The following CTIF variants were observed in gnomAD, a reference collection of about 807,000 sequenced individuals.
CTIF encodes the protein cap binding complex dependent translation initiation factor, also known as CBP80/20-dependent translation initiation factor.
Under a neutral mutation model 66.0 loss-of-function variants are expected in CTIF, and 21 were observed. The ratio of observed to expected loss-of-function variants is 0.32; its 90% CI spans 0.23 to 0.46. The LOEUF (loss-of-function observed/expected upper bound fraction) is 0.46, where lower values mean the gene tolerates loss of function less well. Among genes scored for constraint, CTIF ranks in the 20% least tolerant of loss-of-function variants. The pLI, the probability that CTIF is intolerant of heterozygous loss-of-function variation, is 1.00. For synonymous variants in CTIF, 345 were observed against 326.4 expected (o/e 1.06, Z -0.62); for missense variants, 739 against 812.7 (o/e 0.91, Z 1.10).
chr18:48,599,579 G>T (rs924500374), intron 1 of CTIF, among the ~76,000 whole-genome samples: 2 of 151,898 alleles, frequency 1.3e-5, no homozygotes, highest in Admixed American at 6.5e-5. Context: ...ACAGCCCTTC[G>T]TAAACAATTC....
chr18:48,783,545 G>A (rs955762838), intron 9 of CTIF, among the ~76,000 whole-genome samples: 4 of 152,132 alleles, frequency 2.6e-5, no homozygotes, highest in South Asian at 2.1e-4. Context: ...TGAGGAGCCC[G>A]GGGATAAGAG....
intron 6 of CTIF, among the ~76,000 whole-genome samples, chr18:48,689,107 G>A (rs2091887665): frequency 6.6e-6 from 1 of 152,240 alleles, no homozygotes; most frequent in African/African-American, 2.4e-5. Context: ...ACACACCCTG[G>A]AGGAGGAGGA....
intron 10 of CTIF, among the ~76,000 whole-genome samples, chr18:48,819,160 C>T (rs1432874391): frequency 6.6e-6 from 1 of 152,242 alleles, no homozygotes; most frequent in African/African-American, 2.4e-5. Flanking sequence ...TTAACAAATG[C>T]ACTTGAAATC....
chr18:48,705,843 T>G (rs1223007896), intron 6 of CTIF, among the ~76,000 whole-genome samples: 3 of 152,252 alleles, frequency 2.0e-5, no homozygotes, highest in South Asian at 4.1e-4. Context: ...CTTCCCTGAC[T>G]CTTCTCCCAA....
At chr18:48,658,187 A>G (rs2091276382) in intron 3 of CTIF, among the ~76,000 whole-genome samples, 1 of 151,572 alleles carries the variant, frequency 6.6e-6, no homozygotes, top group South Asian at 2.1e-4. Flanking sequence ...TGAGGTGTAT[A>G]TGTGTGTGCA....
At chr18:48,766,760 G>A (rs1478829006) in intron 9 of CTIF, among the ~76,000 whole-genome samples, 1 of 149,538 alleles carries the variant, frequency 6.7e-6, no homozygotes, top group Non-Finnish European at 1.5e-5. Context: ...GAGCTGGCAG[G>A]AGAACCCCAT....
At chr18:48,786,072 T>A (rs1911680032) in intron 9 of CTIF, among the ~76,000 whole-genome samples, 1 of 152,040 alleles carries the variant, frequency 6.6e-6, no homozygotes, top group African/African-American at 2.4e-5. Flanking sequence ...TCATTCTTCC[T>A]CCTTTGCAGG....
At chr18:48,660,004 C>T (rs867388172) in intron 3 of CTIF, among the ~76,000 whole-genome samples, 4 of 150,706 alleles carry the variant, frequency 2.7e-5, no homozygotes, top group Non-Finnish European at 4.4e-5. Context: ...TCACCTGTGA[C>T]GTGTGTCGAT....
At chr18:48,718,620 C>T (rs956907562) in intron 7 of CTIF, among the ~76,000 whole-genome samples, 1 of 152,122 alleles carries the variant, frequency 6.6e-6, no homozygotes, top group Non-Finnish European at 1.5e-5. Flanking sequence ...TCTGTTTGGG[C>T]CCTTGGCGGA....
chr18:48,777,155 C>T (rs772342022), intron 9 of CTIF, among the ~76,000 whole-genome samples: 5 of 152,234 alleles, frequency 3.3e-5, no homozygotes, highest in South Asian at 2.1e-4. Flanking sequence ...GTCTGGCCGG[C>T]TCCTTCCCAC....
At chr18:48,551,678 G>C (rs558259952) in intron 1 of CTIF, among the ~76,000 whole-genome samples, 1 of 152,210 alleles carries the variant, frequency 6.6e-6, no homozygotes, top group Non-Finnish European at 1.5e-5. Flanking sequence ...AGAAACCCAG[G>C]CCTGTGTGGA....
intron 2 of CTIF, among the ~76,000 whole-genome samples, chr18:48,633,953 A>G (rs1232079571): frequency 6.6e-6 from 1 of 152,180 alleles, no homozygotes; most frequent in Non-Finnish European, 1.5e-5. Context: ...CATTGGTACA[A>G]TGCTCTTAAC....
At chr18:48,730,269 T>C (rs1416087225) in intron 7 of CTIF, among the ~76,000 whole-genome samples, 1 of 146,212 alleles carries the variant, frequency 6.8e-6, no homozygotes, top group Non-Finnish European at 1.5e-5. Context: ...CCCCGCAGTG[T>C]GAGGGCCTCC....
At chr18:48,718,258 T>C (rs949450600) in intron 7 of CTIF, among the ~76,000 whole-genome samples, 1 of 152,240 alleles carries the variant, frequency 6.6e-6, no homozygotes, top group African/African-American at 2.4e-5. Context: ...AGACTGTGTA[T>C]ACCTAGCTAC....
chr18:48,746,495 G>A (rs563073075), intron 7 of CTIF, among the ~76,000 whole-genome samples: 21 of 151,094 alleles, frequency 1.4e-4, no homozygotes, highest in African/African-American at 3.6e-4. Context: ...AAGCAGATGC[G>A]GCACTATGAT....
intron 9 of CTIF, among the ~76,000 whole-genome samples, chr18:48,783,505 G>T (rs1911434251): frequency 6.6e-6 from 1 of 152,268 alleles, no homozygotes; most frequent in African/African-American, 2.4e-5. Context: ...GAACAGCACG[G>T]TTCACCTGGA....
intron 6 of CTIF, among the ~76,000 whole-genome samples, chr18:48,688,988 GT>G (rs2091885579): frequency 6.6e-6 from 1 of 152,252 alleles, no homozygotes; most frequent in Non-Finnish European, 1.5e-5. Context: ...AATGGCCGAG[GT>G]TCCCGGGGCC....
At chr18:48,832,337 A>G (rs766099963) in intron 10 of CTIF, among the ~76,000 whole-genome samples, 4 of 152,002 alleles carry the variant, frequency 2.6e-5, no homozygotes, top group African/African-American at 7.3e-5. Flanking sequence ...ACCCCCGGCT[A>G]ATTTTTTGTA....
intron 7 of CTIF, chr18:48,756,441 A>G (rs917492118): frequency 6.6e-6 from 1 of 152,272 alleles, no homozygotes; most frequent in African/African-American, 2.4e-5. Context: ...TTGAATTTAT[A>G]TAAGTAATAA....
Sources: gnomAD v4.1 joint callset for allele counts (sites outside exome capture counted in the v4.1 genomes callset) on GRCh38, gnomAD v4.1.1 for gene constraint, MANE v1.5 for transcripts, NCBI Gene and HGNC (gene_info 2026-07-23, HGNC 2026-07-21) for gene names.